PARD3B: variants seen among roughly 807,000 people sequenced by gnomAD.
The protein encoded by PARD3B is par-3 family cell polarity regulator beta, also known as partitioning defective 3 homolog B.
A neutral mutation model predicts 130.2 loss-of-function variants in PARD3B; 103 were observed. The ratio of observed to expected loss-of-function variants is 0.79; its 90% CI spans 0.67 to 0.93. PARD3B has a LOEUF of 0.93. PARD3B is among the 40% of genes least tolerant of loss of function. The probability of loss-of-function intolerance (pLI) is 0.00; values close to 1 mark genes in which losing one functional copy is unlikely to be tolerated. For missense variants in PARD3B, 1,609 were observed against 1,499.2 expected, an observed-to-expected ratio of 1.07 and a Z score of -1.21; for synonymous variants, 583 against 553.2, an observed-to-expected ratio of 1.05 and a Z score of -0.76.
At chr2:205,060,220 A>C (rs188102806) in intron 4 of PARD3B, among the ~76,000 whole-genome samples, 3 of 152,148 alleles carry the variant, frequency 2.0e-5, no homozygotes, top group South Asian at 4.2e-4. Context: ...CCTCCTCCTA[A>C]AAAAAGTCAT....
In PARD3B at chr2:205,542,353, T is replaced by TG. The variant is rs1491427065; in HGVS notation, c.3181-10971_3181-10970insG. Among the ~76,000 whole-genome samples, 65 of 85,878 alleles carry TG rather than the reference T, an allele frequency of 7.6e-4. 1 individual carries two copies. The highest frequency in any genetic ancestry group is 1.9e-3 in the Admixed American group (13 of 6,678). 56.3% of individuals were successfully genotyped at this position (85,878 alleles called of 152,430 possible). A position where few individuals can be genotyped will look rare whatever the true frequency, so the allele number is the denominator to read the frequency against. On this transcript the variant is annotated intron_variant, in intron 21 of 22. Coordinates refer to ENST00000406610, the MANE Select transcript of PARD3B (RefSeq NM_001302769.2). Reference sequence around the variant, plus strand: ...ACAGGAAACTATTCAGTAGTTTGTGTTTGTGTGTGTGTGTGTGTGTGTGTG... The same window carrying TG: ...ACAGGAAACTATTCAGTAGTTTGTGTGTTGTGTGTGTGTGTGTGTGTGTGTG...
intron 22 of PARD3B, among the ~76,000 whole-genome samples, chr2:205,555,514 A>G (rs1266982366): frequency 6.6e-6 from 1 of 152,216 alleles, no homozygotes; most frequent in Admixed American, 6.5e-5. Flanking sequence ...CTAAACAAGT[A>G]TATTTTAGGA....
At position 205,116,292 on chromosome 2, in the gene PARD3B, TA is replaced by T. The variant is rs1704024307; in HGVS notation, c.681-2626del. On this transcript the variant is annotated intron_variant, in intron 6 of 22. Transcript: ENST00000406610. This position sits in a 1 kb window ranked among gnomAD's most constrained non-coding sequence, Gnocchi z 4.5. The stretch of plus-strand genomic sequence containing the variant: ...GCCTCAGTTTCATAGGGAAGACAGC[TA>T]AACAGGAGAGAGAAGGAGAAGGACT... Among the ~76,000 whole-genome samples, 1 of 152,072 alleles carries T rather than the reference TA, an allele frequency of 6.6e-6. No individual in the cohort carries two copies. The highest frequency in any genetic ancestry group is 1.5e-5 in the Non-Finnish European group (1 of 68,016).
intron 20 of PARD3B, among the ~76,000 whole-genome samples, chr2:205,472,179 C>T (rs573855055): frequency 1.3e-5 from 2 of 152,020 alleles, no homozygotes; most frequent in Admixed American, 6.6e-5. Flanking sequence ...TGCATAAAAC[C>T]GTATACATCT....
rs1559221050 is a variant in PARD3B at position 205,563,883 on chromosome 2, A to C, written c.3260+10480A>C. ...GACCATGTGCATGGACCAGGTCCCC[A>C]GCCCCTAGATTGCACTCTGCACCAC... On this transcript the variant is annotated intron_variant, in intron 22 of 22. Transcript: ENST00000406610. The surrounding 1 kb of genome is among the most constrained non-coding windows in gnomAD (Gnocchi z 4.2). Among the ~76,000 whole-genome samples the C allele has an allele frequency of 6.6e-6, 1 of 152,164 alleles. No individual in the cohort carries two copies. Among genetic ancestry groups the C allele is most frequent in the Non-Finnish European group, 1.5e-5 (1 of 68,032 alleles).
Position 205,280,787 on chromosome 2 carries a change from G to C in PARD3B, c.2186-19743G>C, listed in dbSNP as rs900744101. 6.6e-6 allele frequency among the ~76,000 whole-genome samples: 1 copy of C among 152,212 alleles called. No homozygotes were observed. The highest frequency in any genetic ancestry group is 1.5e-5 in the Non-Finnish European group (1 of 68,026). ...GTAGAATTTGTTGAGGCCTAAAGAA[G>C]TAAGCTCTTGATGGATGGGGAACAA... On this transcript the variant is annotated intron_variant, in intron 16 of 22. Coordinates refer to ENST00000406610, the MANE Select transcript of PARD3B (RefSeq NM_001302769.2). This position sits in a 1 kb window ranked among gnomAD's most constrained non-coding sequence, Gnocchi z 4.7.
rs2032731356 is a variant in PARD3B, at chr2:205,139,114, A to G, written c.1434+13377A>G. The stretch of plus-strand genomic sequence containing the variant: ...ATTATTACTTACTAGTATGTTTTGG[A>G]GATACCATGGAGTAAACAAGCACTC... On this transcript the variant is annotated intron_variant, in intron 10 of 22. Coordinates refer to ENST00000406610, the MANE Select transcript of PARD3B (RefSeq NM_001302769.2). 1.3e-5 allele frequency among the ~76,000 whole-genome samples: 2 copies of G among 152,146 alleles called. 1 individual carries two copies. The highest frequency in any genetic ancestry group is 4.1e-4 in the South Asian group (2 of 4,826).
At position 204,718,227 on chromosome 2, in the gene PARD3B, G is replaced by A. The variant is rs77138862; in HGVS notation, c.222+31945G>A. ...CTATATGCTTTCTCTCTCTCATTTTGTGTCTCTTCCCTCCTCCCCATGATG... is the reference window on the plus strand; with the variant it reads ...CTATATGCTTTCTCTCTCTCATTTTATGTCTCTTCCCTCCTCCCCATGATG... On this transcript the variant is annotated intron_variant, in intron 2 of 22. Coordinates refer to ENST00000406610, the MANE Select transcript of PARD3B (RefSeq NM_001302769.2). Among the ~76,000 whole-genome samples the A allele has an allele frequency of 0.012, 1,899 of 151,942 alleles. 74 individuals are homozygous for A. The East Asian group carries it at 0.14, about 11-fold the overall frequency.
intron 18 of PARD3B, among the ~76,000 whole-genome samples, chr2:205,380,575 G>GTATATATTATAGAT (rs765486203): frequency 2.6e-4 from 1 of 3,810 alleles, no homozygotes; most frequent in Non-Finnish European, 6.6e-4. Flanking sequence ...AATATATAAA[G>GTATATATTATAGAT]AATATATATT....
Position 204,906,324 on chromosome 2 carries a change from A to G in PARD3B, c.223-58828A>G, listed in dbSNP as rs545007391. ...ACTTTTCTTGCTTTGAAATACCATAATAACTCTGTCATCACATAAACAGTG... is the reference window on the plus strand; with the variant it reads ...ACTTTTCTTGCTTTGAAATACCATAGTAACTCTGTCATCACATAAACAGTG... On this transcript the variant is annotated intron_variant, in intron 2 of 22. Transcript: ENST00000406610. This position sits in a 1 kb window ranked among gnomAD's most constrained non-coding sequence, Gnocchi z 4.3. Among the ~76,000 whole-genome samples the G allele has an allele frequency of 9.2e-5, 14 of 152,312 alleles. No individual in the cohort carries two copies. Among genetic ancestry groups the G allele is most frequent in the African/African-American group, 3.1e-4 (13 of 41,570 alleles).
rs1184996850 is a variant in PARD3B at position 205,401,693 on chromosome 2, T to C, written c.2741+570T>C. Among the ~76,000 whole-genome samples the C allele has an allele frequency of 2.0e-5, 3 of 152,308 alleles. No individual in the cohort carries two copies. In the East Asian group the frequency reaches 5.8e-4, roughly 29 times the overall value. ...GCTGAATTCTCCTGCTTGAGGAGCT[T>C]AATGTTCCATTTGGACAAGAGGTCC... On this transcript the variant is annotated intron_variant, in intron 19 of 22. Coordinates refer to ENST00000406610, the MANE Select transcript of PARD3B (RefSeq NM_001302769.2).
intron 18 of PARD3B, among the ~76,000 whole-genome samples, chr2:205,363,259 G>C (rs905803913): frequency 2.6e-5 from 4 of 152,080 alleles, no homozygotes; most frequent in Non-Finnish European, 4.4e-5. Context: ...TTCCAGAATT[G>C]AGAACTGTCC....
intron 2 of PARD3B, among the ~76,000 whole-genome samples, chr2:204,721,990 G>A (rs547225973): frequency 5.1e-4 from 77 of 152,204 alleles, no homozygotes; most frequent in African/African-American, 1.7e-3. Flanking sequence ...CCTTGCCACT[G>A]TGTCTGGCAC....
At chr2:204,820,944 C>A (rs1438560342) in intron 2 of PARD3B, among the ~76,000 whole-genome samples, 6 of 152,154 alleles carry the variant, frequency 3.9e-5, no homozygotes, top group Non-Finnish European at 7.3e-5. Flanking sequence ...AGCCTGGATG[C>A]TAACACCCCT....
chr2:205,416,574 G>A (rs1021162852), intron 19 of PARD3B, among the ~76,000 whole-genome samples: 2 of 152,132 alleles, frequency 1.3e-5, no homozygotes, highest in African/African-American at 2.4e-5. Context: ...CCCTTGGCCT[G>A]CAGGTGAGCA....
At chr2:204,617,356 A>T (rs2034147248) in intron 1 of PARD3B, among the ~76,000 whole-genome samples, 2 of 152,032 alleles carry the variant, frequency 1.3e-5, no homozygotes, top group African/African-American at 4.8e-5. Flanking sequence ...TTGCCTAACA[A>T]TTCTTCTTTC....
chr2:205,054,402 T>TATATATA (rs1559392745), intron 4 of PARD3B, among the ~76,000 whole-genome samples: 33 of 39,172 alleles, frequency 8.4e-4, no homozygotes, highest in South Asian at 1.3e-3. Context: ...ATGACATGTC[T>TATATATA]TTTATATATA....
intron 14 of PARD3B, among the ~76,000 whole-genome samples, chr2:205,188,240 G>A (rs1438172735): frequency 3.9e-5 from 6 of 152,160 alleles, no homozygotes; most frequent in Admixed American, 1.3e-4. Context: ...GAGAAGTGGC[G>A]GGAAGGGCAA....
At position 204,772,575 on chromosome 2, in the gene PARD3B, A is replaced by G. The variant is rs549394597; in HGVS notation, c.222+86293A>G. ...ATGTAAAGAAAGTAGAACACAGTTTATATTTTGCATTTTTGTAAGGGAACA... is the reference window on the plus strand; with the variant it reads ...ATGTAAAGAAAGTAGAACACAGTTTGTATTTTGCATTTTTGTAAGGGAACA... On this transcript the variant is annotated intron_variant, in intron 2 of 22. Transcript: ENST00000406610. Among the ~76,000 whole-genome samples, 10 of 152,302 alleles carry G rather than the reference A, an allele frequency of 6.6e-5. 1 individual carries two copies. The South Asian group carries it at 1.7e-3, about 25-fold the overall frequency.
Sources: gnomAD v4.1 joint callset for allele counts (sites outside exome capture counted in the v4.1 genomes callset) on GRCh38, gnomAD v4.1.1 for gene constraint, Gnocchi (gnomAD v3.1) non-coding constraint, MANE v1.5 for transcripts, NCBI Gene and HGNC (gene_info 2026-07-23, HGNC 2026-07-21) for gene names.